CCDC85A: variants seen among roughly 807,000 people sequenced by gnomAD.
CCDC85A encodes the protein coiled-coil domain-containing protein 85A.
CCDC85A carries 38 observed loss-of-function variants against 50.2 expected under a neutral mutation model. The ratio of observed to expected loss-of-function variants is 0.76; its 90% CI spans 0.58 to 0.99. The LOEUF is 0.99. CCDC85A is among the 50% of genes least tolerant of loss of function. CCDC85A has a pLI of 0.00. For missense variants in CCDC85A, 820 were observed against 742.0 expected, an observed-to-expected ratio of 1.11 and a Z score of -1.22; for synonymous variants, 366 against 301.4, an observed-to-expected ratio of 1.21 and a Z score of -2.22.
At chr2:56,299,402 G>A (rs1032467869) in intron 2 of CCDC85A, among the ~76,000 whole-genome samples, 4 of 152,134 alleles carry the variant, frequency 2.6e-5, no homozygotes, top group Admixed American at 1.3e-4. Context: ...CTTTTCTAAT[G>A]TTCTTGCCTG....
chr2:56,265,278 C>T (rs930072446), intron 2 of CCDC85A, among the ~76,000 whole-genome samples: 1 of 152,190 alleles, frequency 6.6e-6, no homozygotes, highest in Non-Finnish European at 1.5e-5. Flanking sequence ...AACAAACTAA[C>T]TAGAGTAATC....
chr2:56,362,461 C>G (rs1022275447), intron 3 of CCDC85A, among the ~76,000 whole-genome samples: 1 of 151,872 alleles, frequency 6.6e-6, no homozygotes, highest in Non-Finnish European at 1.5e-5. Flanking sequence ...TGAATGGGAA[C>G]TTCTCATCAA....
chr2:56,302,112 C>T (rs534526062), intron 2 of CCDC85A, among the ~76,000 whole-genome samples: 34 of 151,988 alleles, frequency 2.2e-4, no homozygotes, highest in Non-Finnish European at 8.8e-5. Flanking sequence ...AAAAATTACC[C>T]GGGCCTGGTG....
chr2:56,280,157 T>G (rs1671141172), intron 2 of CCDC85A, among the ~76,000 whole-genome samples: 1 of 152,190 alleles, frequency 6.6e-6, no homozygotes, highest in South Asian at 2.1e-4. Context: ...TCTAGCACTT[T>G]TGAGTTTCAT....
intron 2 of CCDC85A, among the ~76,000 whole-genome samples, chr2:56,263,494 C>T (rs1293162249): frequency 6.6e-6 from 1 of 152,142 alleles, no homozygotes; most frequent in Non-Finnish European, 1.5e-5. Flanking sequence ...TGCTCAGAGC[C>T]CTGGCCAGGA....
intron 2 of CCDC85A, among the ~76,000 whole-genome samples, chr2:56,206,403 A>T (rs1161287229): frequency 6.6e-6 from 1 of 152,104 alleles, no homozygotes; most frequent in Non-Finnish European, 1.5e-5. Context: ...CACAGACTGG[A>T]TAATTAATAA....
At chr2:56,347,956 A>G (rs1337310992) in intron 3 of CCDC85A, among the ~76,000 whole-genome samples, 2 of 152,218 alleles carry the variant, frequency 1.3e-5, no homozygotes, top group African/African-American at 4.8e-5. Flanking sequence ...ATGATATAGA[A>G]TACCTACCTG....
chr2:56,274,770 C>T (rs1670853545), intron 2 of CCDC85A, among the ~76,000 whole-genome samples: 1 of 152,066 alleles, frequency 6.6e-6, no homozygotes, highest in African/African-American at 2.4e-5. Flanking sequence ...AACAAAATAC[C>T]CTAAGACTGT....
At chr2:56,188,543 A>G (rs561549525) in intron 1 of CCDC85A, among the ~76,000 whole-genome samples, 2 of 152,362 alleles carry the variant, frequency 1.3e-5, no homozygotes, top group African/African-American at 4.8e-5. Flanking sequence ...ATTTGTTTAG[A>G]TGAAAGAGAA....
chr2:56,275,039 C>A (rs570842997), intron 2 of CCDC85A, among the ~76,000 whole-genome samples: 1 of 152,268 alleles, frequency 6.6e-6, no homozygotes, highest in African/African-American at 2.4e-5. Flanking sequence ...TCATCCAAAT[C>A]TGATTACCTC....
chr2:56,265,615 T>TATTGG (rs1314902837), intron 2 of CCDC85A, among the ~76,000 whole-genome samples: 1 of 152,158 alleles, frequency 6.6e-6, no homozygotes, highest in African/African-American at 2.4e-5. Context: ...ATACCTGTTA[T>TATTGG]ATTGGCTATT....
chr2:56,226,026 C>G (rs1428490986), intron 2 of CCDC85A, among the ~76,000 whole-genome samples: 1 of 152,204 alleles, frequency 6.6e-6, no homozygotes, highest in Non-Finnish European at 1.5e-5. Context: ...CAGTGCCTCT[C>G]TTAAAATGTG....
chr2:56,257,533 C>T (rs1279675463), intron 2 of CCDC85A, among the ~76,000 whole-genome samples: 1 of 151,974 alleles, frequency 6.6e-6, no homozygotes, highest in Non-Finnish European at 1.5e-5. Context: ...GTCAAGCAGT[C>T]AAGCAAGTCT....
At chr2:56,369,241 A>T (rs1171887683) in intron 3 of CCDC85A, among the ~76,000 whole-genome samples, 2 of 152,156 alleles carry the variant, frequency 1.3e-5, no homozygotes, top group Admixed American at 1.3e-4. Flanking sequence ...CTTCATTTAC[A>T]TATATAGCTC....
intron 3 of CCDC85A, among the ~76,000 whole-genome samples, chr2:56,350,293 G>A (rs936852407): frequency 8.6e-5 from 13 of 151,610 alleles, no homozygotes; most frequent in East Asian, 3.9e-4. Flanking sequence ...TCAGCCTCCC[G>A]GGTGCAGTGG....
At chr2:56,310,793 T>C (rs990628923) in intron 2 of CCDC85A, among the ~76,000 whole-genome samples, 4 of 152,164 alleles carry the variant, frequency 2.6e-5, no homozygotes, top group African/African-American at 9.7e-5. Context: ...TATGGACAAC[T>C]GCACGTGCTT....
At chr2:56,302,402 G>C (rs1425891407) in intron 2 of CCDC85A, among the ~76,000 whole-genome samples, 1 of 152,174 alleles carries the variant, frequency 6.6e-6, no homozygotes, top group African/African-American at 2.4e-5. Context: ...GGGCTTCTGA[G>C]AGATAAATTT....
chr2:56,284,441 A>G (rs1477211109), intron 2 of CCDC85A, among the ~76,000 whole-genome samples: 3 of 151,966 alleles, frequency 2.0e-5, no homozygotes, highest in African/African-American at 7.2e-5. Flanking sequence ...GGCGTGATCT[A>G]GGCTCACTGC....
chr2:56,367,175 T>C (rs1408940775), intron 3 of CCDC85A, among the ~76,000 whole-genome samples: 1 of 152,210 alleles, frequency 6.6e-6, no homozygotes, highest in Non-Finnish European at 1.5e-5. Context: ...GCATACTATA[T>C]GTCTCTATCT....
Sources: allele counts gnomAD v4.1 joint callset (sites outside exome capture counted in the v4.1 genomes callset), GRCh38; gene constraint gnomAD v4.1.1; transcripts MANE v1.5; gene names NCBI Gene and HGNC (gene_info 2026-07-23, HGNC 2026-07-21).